Variants in AK5 observed in about 807,000 individuals in gnomAD.
AK5 encodes the protein adenylate kinase 5.
A neutral mutation model predicts 69.5 loss-of-function variants in AK5; 27 were observed. The observed-to-expected ratio is 0.39, with a 90% CI of 0.29 to 0.54. The LOEUF (loss-of-function observed/expected upper bound fraction) is 0.54, where lower values mean the gene tolerates loss of function less well. AK5 is among the 20% of genes least tolerant of loss of function. AK5 has a pLI of 0.71. For synonymous variants in AK5, 260 were observed against 244.4 expected, an observed-to-expected ratio of 1.06 and a Z score of -0.60; for missense variants, 531 against 700.4, an observed-to-expected ratio of 0.76 and a Z score of 2.73.
chr1:77,457,101 G>A (rs1437103252), intron 8 of AK5, among the ~76,000 whole-genome samples: 1 of 152,112 alleles, frequency 6.6e-6, no homozygotes, highest in South Asian at 2.1e-4. Context: ...TTGTGGTCAG[G>A]CGTTGTTCTG....
At chr1:77,331,931 T>C (rs1661105882) in intron 5 of AK5, among the ~76,000 whole-genome samples, 1 of 152,144 alleles carries the variant, frequency 6.6e-6, no homozygotes, top group South Asian at 2.1e-4. Flanking sequence ...AGTTGAGTTT[T>C]TCTAGAAATC....
At chr1:77,432,030 A>G (rs180715449) in intron 8 of AK5, among the ~76,000 whole-genome samples, 4 of 152,286 alleles carry the variant, frequency 2.6e-5, no homozygotes, top group Non-Finnish European at 5.9e-5. Flanking sequence ...TAGTTTTGTT[A>G]TCAAGAACTT....
Position 77,341,112 on chromosome 1 carries a change from C to A in AK5, c.891+544C>A, listed in dbSNP as rs547387724. 2.6e-5 allele frequency among the ~76,000 whole-genome samples: 4 copies of A among 152,296 alleles called. No individual in the cohort carries two copies. The East Asian group carries it at 7.7e-4, about 29-fold the overall frequency. On this transcript the variant is annotated intron_variant, in intron 6 of 13. Transcript: ENST00000354567. The stretch of plus-strand genomic sequence containing the variant: ...TAGTCACCCTTCTGCTCCTTTGATA[C>A]AATGCAAATATTAATGTTTTCCTAA...
At chr1:77,299,633 G>A (rs776450761) in intron 5 of AK5, among the ~76,000 whole-genome samples, 9 of 152,110 alleles carry the variant, frequency 5.9e-5, no homozygotes, top group Non-Finnish European at 1.2e-4. Flanking sequence ...AGAAAAACTG[G>A]AAAATATCTG....
intron 6 of AK5, among the ~76,000 whole-genome samples, chr1:77,392,251 C>G (rs1474486093): frequency 6.6e-6 from 1 of 152,188 alleles, no homozygotes; most frequent in Admixed American, 6.5e-5. Flanking sequence ...CAGTATTCCT[C>G]CTAAGCACAA....
intron 6 of AK5, among the ~76,000 whole-genome samples, chr1:77,358,319 GC>G (rs963510476): frequency 6.6e-6 from 1 of 152,146 alleles, no homozygotes. Flanking sequence ...ACCCCCAAAA[GC>G]CTCAGTGGTA....
intron 4 of AK5, 27 bp from the exon 5 acceptor site, chr1:77,297,803 GTTTT>G: frequency 6.2e-7 from 1 of 1,605,418 alleles, no homozygotes; most frequent in Non-Finnish European, 8.5e-7. Flanking sequence ...TAACTGTGGG[GTTTT>G]TTTGTCATCC....
chr1:77,518,097 T>A (rs1310215449), intron 10 of AK5, among the ~76,000 whole-genome samples: 1 of 152,258 alleles, frequency 6.6e-6, no homozygotes, highest in African/African-American at 2.4e-5. Flanking sequence ...CTTATTTTTT[T>A]AAATTAAAAG....
rs140246669 is a variant in AK5, at chr1:77,428,358, T to A, written c.1059+10643T>A. The stretch of plus-strand genomic sequence containing the variant: ...AACACAGAGAAAACTATCACTTAGG[T>A]TCTCAAAACCTGAAGCCACACTTCT... On this transcript the variant is annotated intron_variant, in intron 8 of 13. Coordinates refer to ENST00000354567, the MANE Select transcript of AK5 (RefSeq NM_174858.3). 3.2e-3 allele frequency among the ~76,000 whole-genome samples: 481 copies of A among 152,254 alleles called. 2 individuals carry two copies. The highest frequency in any genetic ancestry group is 0.011 in the African/African-American group (456 of 41,548).
rs113526575 is a variant in AK5 at position 77,475,066 on chromosome 1, G to C, written c.1060-8251G>C. 4.3e-3 allele frequency among the ~76,000 whole-genome samples: 648 copies of C among 151,338 alleles called. 9 individuals carry two copies. The highest frequency in any genetic ancestry group is 0.015 in the African/African-American group (618 of 41,184). On this transcript the variant is annotated intron_variant, in intron 8 of 13. Coordinates refer to ENST00000354567, the MANE Select transcript of AK5 (RefSeq NM_174858.3). ...AATCCTCCCACCTCAGCCTCCCAAA[G>C]TGCTGAGATTACAGGTGTGAGCCAC...
At chr1:77,546,251 C>A (rs1286126328) in intron 13 of AK5, among the ~76,000 whole-genome samples, 5 of 152,086 alleles carry the variant, frequency 3.3e-5, no homozygotes, top group African/African-American at 4.8e-5. Flanking sequence ...TTGCCTTTGC[C>A]CATGTTAGGG....
chr1:77,287,510 GA>G (rs1658426120), intron 2 of AK5, among the ~76,000 whole-genome samples: 1 of 152,174 alleles, frequency 6.6e-6, no homozygotes, highest in South Asian at 2.1e-4. Flanking sequence ...TTATTAGCTA[GA>G]AAGAGATTTG....
At chr1:77,474,815 T>G (rs983979419) in intron 8 of AK5, among the ~76,000 whole-genome samples, 4 of 152,162 alleles carry the variant, frequency 2.6e-5, no homozygotes, top group African/African-American at 9.7e-5. Flanking sequence ...TTTTATTTAT[T>G]TATTTTTGAG....
At chr1:77,366,165 T>C (rs1646946708) in intron 6 of AK5, among the ~76,000 whole-genome samples, 1 of 152,198 alleles carries the variant, frequency 6.6e-6, no homozygotes, top group Non-Finnish European at 1.5e-5. Context: ...AGGTCTTCTA[T>C]GCCCATTATG....
intron 8 of AK5, among the ~76,000 whole-genome samples, chr1:77,482,593 T>G (rs1263650845): frequency 1.3e-5 from 2 of 151,872 alleles, no homozygotes; most frequent in Non-Finnish European, 2.9e-5. Flanking sequence ...GCCAACATGG[T>G]GAAACTCTGT....
At chr1:77,472,789 C>CTGAGGTG (rs1553154496) in intron 8 of AK5, among the ~76,000 whole-genome samples, 28 of 151,404 alleles carry the variant, frequency 1.8e-4, no homozygotes, top group Non-Finnish European at 2.5e-4. Context: ...ACTGATGAGG[C>CTGAGGTG]AATTCTTCTG....
At chr1:77,418,135 G>A (rs1650552278) in intron 8 of AK5, among the ~76,000 whole-genome samples, 1 of 152,132 alleles carries the variant, frequency 6.6e-6, no homozygotes, top group South Asian at 2.1e-4. Context: ...CCAAGACTGG[G>A]CAATTTATAA....
rs377061655 is a variant in AK5 at position 77,476,466 on chromosome 1, A to G, written c.1060-6851A>G. ...ACTTCATTCACAGTTTTCCAGTAAA[A>G]CCTGTAAAATTCATTTTCAGATCAT... On this transcript the variant is annotated intron_variant, in intron 8 of 13. Transcript: ENST00000354567. Among the ~76,000 whole-genome samples the G allele has an allele frequency of 2.5e-4, 37 of 147,070 alleles. 1 individual carries two copies. The highest frequency in any genetic ancestry group is 8.7e-4 in the African/African-American group (35 of 40,072).
At chr1:77,497,022 C>T (rs1282202983) in intron 10 of AK5, among the ~76,000 whole-genome samples, 1 of 152,224 alleles carries the variant, frequency 6.6e-6, no homozygotes, top group East Asian at 1.9e-4. Flanking sequence ...GGTCCCCTTC[C>T]ATGCTGTGGA....
Sources: gnomAD v4.1 joint callset for allele counts (sites outside exome capture counted in the v4.1 genomes callset) on GRCh38, gnomAD v4.1.1 for gene constraint, MANE v1.5 for transcripts, NCBI Gene and HGNC (gene_info 2026-07-23, HGNC 2026-07-21) for gene names.